Variants in DOCK2 observed in about 807,000 individuals in gnomAD.
DOCK2 encodes the protein dedicator of cytokinesis 2, also known as dedicator of cytokinesis protein 2.
In DOCK2, 87 loss-of-function variants were observed where a neutral mutation model predicts 248.9. The observed-to-expected ratio is 0.35, with a 90% CI of 0.29 to 0.42. The LOEUF (loss-of-function observed/expected upper bound fraction) is 0.42, where lower values mean the gene tolerates loss of function less well. Ranked by LOEUF, DOCK2 falls within the 10% of genes least tolerant of loss-of-function variation. The pLI, the probability that DOCK2 is intolerant of heterozygous loss-of-function variation, is 1.00. For missense variants in DOCK2, 1,747 were observed against 2,300.2 expected, an observed-to-expected ratio of 0.76 and a Z score of 4.92; for synonymous variants, 805 against 821.6, an observed-to-expected ratio of 0.98 and a Z score of 0.35.
chr5:170,049,671 C>T (rs193042462), intron 40 of DOCK2, among the ~76,000 whole-genome samples: 70 of 152,316 alleles, frequency 4.6e-4, no homozygotes, highest in African/African-American at 1.5e-3. Flanking sequence ...ACCACTACCC[C>T]GTAGGTTCTA....
chr5:169,991,725 G>A (rs116543435), intron 29 of DOCK2, among the ~76,000 whole-genome samples: 1,874 of 152,332 alleles, frequency 0.012, 28 homozygotes, highest in Non-Finnish European at 0.018. Flanking sequence ...TGCCAGTGCC[G>A]GAAGTTCAAG....
At chr5:169,821,230 C>A (rs1274323971) in intron 26 of DOCK2, among the ~76,000 whole-genome samples, 1 of 152,168 alleles carries the variant, frequency 6.6e-6, no homozygotes, top group East Asian at 1.9e-4. Flanking sequence ...CCCAACCTAG[C>A]AAGGCAGGCC....
At chr5:169,748,316 G>T (rs1315129148) in intron 23 of DOCK2, among the ~76,000 whole-genome samples, 1 of 152,192 alleles carries the variant, frequency 6.6e-6, no homozygotes, top group Non-Finnish European at 1.5e-5. Flanking sequence ...TCAGCCTGGG[G>T]AATGTTTGCT....
chr5:169,900,130 A>ACACCT (rs1773838685), intron 27 of DOCK2, among the ~76,000 whole-genome samples: 1 of 152,142 alleles, frequency 6.6e-6, no homozygotes, highest in African/African-American at 2.4e-5. Context: ...GGCATCAGGA[A>ACACCT]CACCTCCAAG....
In DOCK2 at chr5:170,046,743, A is replaced by G. The variant is rs149023251; in HGVS notation, c.3967-767A>G. On this transcript the variant is annotated intron_variant, in intron 39 of 51. Coordinates refer to ENST00000520908, the MANE Select transcript of DOCK2 (RefSeq NM_004946.3). ...TGTACCTCCACATAGATGTTTGCCA[A>G]TGCCTATGCCCAAGACACACACACA... Among the ~76,000 whole-genome samples the G allele has an allele frequency of 2.9e-4, 44 of 151,754 alleles. No homozygotes were observed. In the East Asian group the frequency reaches 7.3e-3, roughly 25 times the overall value.
chr5:169,988,649 A>C (rs1778131167), intron 29 of DOCK2, among the ~76,000 whole-genome samples: 1 of 152,136 alleles, frequency 6.6e-6, no homozygotes, highest in African/African-American at 2.4e-5. Context: ...AGTAGCTGGG[A>C]TTACAGGCAT....
intron 27 of DOCK2, among the ~76,000 whole-genome samples, chr5:169,858,864 A>G (rs1430127006): frequency 6.6e-6 from 1 of 152,038 alleles, no homozygotes; most frequent in Non-Finnish European, 1.5e-5. Flanking sequence ...TAAAAAAAAC[A>G]TTAGTGGGTT....
At chr5:169,949,078 C>CAG (rs1561845325) in intron 27 of DOCK2, among the ~76,000 whole-genome samples, 2 of 152,186 alleles carry the variant, frequency 1.3e-5, no homozygotes. Flanking sequence ...AAAGGAAAAG[C>CAG]AGAGCATGTG....
At chr5:169,942,378 T>C (rs1015130838) in intron 27 of DOCK2, among the ~76,000 whole-genome samples, 7 of 152,206 alleles carry the variant, frequency 4.6e-5, no homozygotes, top group Non-Finnish European at 1.0e-4. Flanking sequence ...TATGTAAAGA[T>C]GCCCAGAAAC....
intron 34 of DOCK2, 50 bp downstream of exon 34, chr5:170,027,998 G>A: frequency 6.5e-7 from 1 of 1,549,274 alleles, no homozygotes; most frequent in Non-Finnish European, 8.8e-7. Flanking sequence ...GTCAGGTGAG[G>A]CGGGAGGGCT....
intron 27 of DOCK2, among the ~76,000 whole-genome samples, chr5:169,841,772 T>C (rs1275639981): frequency 2.0e-5 from 3 of 152,250 alleles, no homozygotes; most frequent in Non-Finnish European, 4.4e-5. Flanking sequence ...TTTATTTTTC[T>C]AATTACGTAT....
At chr5:169,855,684 C>T (rs1406541598) in intron 27 of DOCK2, among the ~76,000 whole-genome samples, 1 of 152,102 alleles carries the variant, frequency 6.6e-6, no homozygotes, top group Non-Finnish European at 1.5e-5. Flanking sequence ...CCAAGGATCC[C>T]AATGGTGAAG....
intron 2 of DOCK2, among the ~76,000 whole-genome samples, chr5:169,666,878 T>G (rs980390478): frequency 6.6e-6 from 1 of 152,218 alleles, no homozygotes; most frequent in Non-Finnish European, 1.5e-5. Flanking sequence ...TGTAGCCCAG[T>G]GCAATATACA....
At chr5:169,935,266 T>G (rs1456116253) in intron 27 of DOCK2, among the ~76,000 whole-genome samples, 3 of 152,142 alleles carry the variant, frequency 2.0e-5, no homozygotes, top group African/African-American at 7.2e-5. Context: ...TCCTCTCTTT[T>G]GTACATTATC....
intron 36 of DOCK2, among the ~76,000 whole-genome samples, chr5:170,038,371 A>G (rs1581546957): frequency 6.6e-6 from 1 of 152,218 alleles, no homozygotes; most frequent in Admixed American, 6.5e-5. Flanking sequence ...AACCATATTT[A>G]TCTAAACCAG....
chr5:169,853,395 G>A (rs1053610455), intron 27 of DOCK2, among the ~76,000 whole-genome samples: 1 of 152,196 alleles, frequency 6.6e-6, no homozygotes, highest in Admixed American at 6.5e-5. Context: ...GGCTTTAAGT[G>A]ACTCAAAGGA....
rs1342655340 is a variant in DOCK2 at position 169,950,832 on chromosome 5, GC to G, written c.2800-32235del. 3.9e-5 allele frequency among the ~76,000 whole-genome samples: 6 copies of G among 152,342 alleles called. No homozygotes were observed. In the South Asian group the frequency reaches 8.3e-4, roughly 21 times the overall value. ...TCAGCAGCCTCCTCTCACAGTCTGG[GC>G]TGCAGGTTCTTACTGAGGCTGAGCC... On this transcript the variant is annotated intron_variant, in intron 27 of 51. Transcript: ENST00000520908.
At chr5:169,694,616 A>T (rs899858537) in intron 9 of DOCK2, among the ~76,000 whole-genome samples, 7 of 152,166 alleles carry the variant, frequency 4.6e-5, no homozygotes, top group Non-Finnish European at 5.9e-5. Flanking sequence ...GATGTGAGAG[A>T]TTGAATATGG....
chr5:169,955,857 G>C (rs891484943), intron 27 of DOCK2, among the ~76,000 whole-genome samples: 2 of 152,148 alleles, frequency 1.3e-5, no homozygotes, highest in African/African-American at 4.8e-5. Flanking sequence ...ATGTCTCATG[G>C]TCAAGGTGGC....
Sources: allele counts gnomAD v4.1 joint callset (sites outside exome capture counted in the v4.1 genomes callset), GRCh38; gene constraint gnomAD v4.1.1; transcripts MANE v1.5; gene names NCBI Gene and HGNC (gene_info 2026-07-23, HGNC 2026-07-21).